PHACTR1: variants seen among roughly 807,000 people sequenced by gnomAD.
The protein encoded by PHACTR1 is RPEL repeat containing 1.
Under a neutral mutation model 69.2 loss-of-function variants are expected in PHACTR1, and 16 were observed. That is an observed-to-expected ratio of 0.23 (90% CI 0.16 to 0.35). PHACTR1 has a LOEUF of 0.35. Ranked by LOEUF, PHACTR1 falls within the 10% of genes least tolerant of loss-of-function variation. PHACTR1 has a pLI of 1.00. For synonymous variants in PHACTR1, 312 were observed against 284.5 expected (o/e 1.10, Z -0.97); for missense variants, 510 against 734.7 (o/e 0.69, Z 3.54).
intron 4 of PHACTR1, among the ~76,000 whole-genome samples, chr6:12,919,696 C>G (rs1288022846): frequency 6.6e-6 from 1 of 152,178 alleles, no homozygotes; most frequent in Non-Finnish European, 1.5e-5. Flanking sequence ...AATCTAATTC[C>G]AAAGTCAAGT....
chr6:12,881,068 G>A (rs1783046558), intron 4 of PHACTR1, among the ~76,000 whole-genome samples: 1 of 152,228 alleles, frequency 6.6e-6, no homozygotes. Flanking sequence ...GGTGTGTAAA[G>A]TACGAAGCAC....
chr6:12,954,280 C>A (rs1791626116), intron 4 of PHACTR1, among the ~76,000 whole-genome samples: 1 of 151,892 alleles, frequency 6.6e-6, no homozygotes. Flanking sequence ...CATATCACTG[C>A]AAGGAGTGTG....
chr6:12,717,183 A>G (rs1457230360), intron 1 of PHACTR1, among the ~76,000 whole-genome samples: 1 of 151,916 alleles, frequency 6.6e-6, no homozygotes, highest in African/African-American at 2.4e-5. Flanking sequence ...CTTTCCCTAA[A>G]CTCCCCCATT....
intron 4 of PHACTR1, among the ~76,000 whole-genome samples, chr6:12,861,297 A>T (rs1185282613): frequency 6.6e-6 from 1 of 152,238 alleles, no homozygotes; most frequent in East Asian, 1.9e-4. Flanking sequence ...TTCAGAAGAC[A>T]AAAGGGAGGT....
chr6:13,085,268 C>T (rs1441218506), intron 5 of PHACTR1, among the ~76,000 whole-genome samples: 1 of 151,788 alleles, frequency 6.6e-6, no homozygotes, highest in Admixed American at 6.6e-5. Context: ...CACTAAACTC[C>T]ACTACTAAAT....
At chr6:13,133,187 A>C in intron 5 of PHACTR1, among the ~76,000 whole-genome samples, 1 of 132,976 alleles carries the variant, frequency 7.5e-6, no homozygotes. Context: ...GTCTCCATTG[A>C]AAATCTATTT....
chr6:12,980,062 A>G (rs1443824447), intron 4 of PHACTR1, among the ~76,000 whole-genome samples: 1 of 152,220 alleles, frequency 6.6e-6, no homozygotes, highest in Non-Finnish European at 1.5e-5. Context: ...CTACTGATGG[A>G]AAAGCTGATG....
At chr6:12,810,942 G>C (rs1052546278) in intron 4 of PHACTR1, among the ~76,000 whole-genome samples, 5 of 152,212 alleles carry the variant, frequency 3.3e-5, no homozygotes, top group Non-Finnish European at 7.3e-5. Context: ...CACACTTGGG[G>C]AGCAGTCCGT....
intron 5 of PHACTR1, among the ~76,000 whole-genome samples, chr6:13,079,872 A>T (rs558188931): frequency 1.3e-4 from 20 of 152,248 alleles, no homozygotes; most frequent in Non-Finnish European, 2.6e-4. Flanking sequence ...TTCTCACTTC[A>T]TCTTCAAAAT....
At chr6:12,879,644 C>T (rs1404658585) in intron 4 of PHACTR1, among the ~76,000 whole-genome samples, 2 of 152,182 alleles carry the variant, frequency 1.3e-5, no homozygotes, top group Admixed American at 1.3e-4. Context: ...ATAGCCAACA[C>T]ATATTGAGTA....
rs527454708 is a variant in PHACTR1 at position 12,860,930 on chromosome 6, C to G, written c.250+111140C>G. ...TACAAACTCTACTAATTTTTATGGGCAAGTAAGGCAACACTATAAAGTGGT... is the reference window on the plus strand; with the variant it reads ...TACAAACTCTACTAATTTTTATGGGGAAGTAAGGCAACACTATAAAGTGGT... On this transcript the variant is annotated intron_variant, in intron 4 of 14. Coordinates refer to ENST00000332995, the MANE Select transcript of PHACTR1 (RefSeq NM_030948.6). Among the ~76,000 whole-genome samples, 5 of 152,326 alleles carry G rather than the reference C, an allele frequency of 3.3e-5. No homozygotes were observed. In the South Asian group the frequency reaches 1.0e-3, roughly 32 times the overall value.
intron 5 of PHACTR1, among the ~76,000 whole-genome samples, chr6:13,134,360 G>A (rs1383096744): frequency 6.6e-6 from 1 of 152,266 alleles, no homozygotes; most frequent in South Asian, 2.1e-4. Context: ...AGGTGGGGAA[G>A]TGTGGGGAAA....
chr6:13,127,393 C>T (rs906435942), intron 5 of PHACTR1, among the ~76,000 whole-genome samples: 1 of 151,964 alleles, frequency 6.6e-6, no homozygotes, highest in Non-Finnish European at 1.5e-5. Flanking sequence ...AGAGTGAGAC[C>T]CCATCTCTAA....
intron 5 of PHACTR1, among the ~76,000 whole-genome samples, chr6:13,143,009 A>G (rs1185923057): frequency 2.0e-5 from 3 of 152,224 alleles, no homozygotes; most frequent in African/African-American, 7.2e-5. Flanking sequence ...ATATAAAAAG[A>G]GGAAAGTGCC....
chr6:12,898,846 T>C (rs574647464), intron 4 of PHACTR1, among the ~76,000 whole-genome samples: 1 of 152,220 alleles, frequency 6.6e-6, no homozygotes, highest in Non-Finnish European at 1.5e-5. Context: ...CTTCTATGTG[T>C]TGATCAGCTC....
intron 4 of PHACTR1, among the ~76,000 whole-genome samples, chr6:12,819,389 C>G (rs1775952365): frequency 6.6e-6 from 1 of 152,158 alleles, no homozygotes; most frequent in South Asian, 2.1e-4. Context: ...ACTAGAGCAG[C>G]TCAAACAGGT....
At chr6:12,874,018 A>G (rs906366595) in intron 4 of PHACTR1, among the ~76,000 whole-genome samples, 13 of 152,230 alleles carry the variant, frequency 8.5e-5, no homozygotes, top group Non-Finnish European at 1.9e-4. Context: ...CTAGCACTTT[A>G]CAGAAAATGT....
At chr6:13,095,749 CTTTTTTTTTTT>C (rs140109520) in intron 5 of PHACTR1, among the ~76,000 whole-genome samples, 8 of 77,208 alleles carry the variant, frequency 1.0e-4, no homozygotes, top group Non-Finnish European at 1.8e-4. Context: ...TTGTGAAGGG[CTTTTTTTTTTT>C]TTTTTTTTTT....
intron 5 of PHACTR1, among the ~76,000 whole-genome samples, chr6:13,123,733 C>A (rs1345399342): frequency 6.6e-6 from 1 of 152,152 alleles, no homozygotes; most frequent in Non-Finnish European, 1.5e-5. Flanking sequence ...GAAATCAAAA[C>A]CATGATGAAT....
Sources: allele counts gnomAD v4.1 joint callset (sites outside exome capture counted in the v4.1 genomes callset), GRCh38; gene constraint gnomAD v4.1.1; transcripts MANE v1.5; gene names NCBI Gene and HGNC (gene_info 2026-07-23, HGNC 2026-07-21).